The following REEP3 variants were observed in gnomAD, a reference collection of about 807,000 sequenced individuals.
REEP3 encodes the protein receptor accessory protein 3.
In REEP3, 20 loss-of-function variants were observed where a neutral mutation model predicts 41.3. The observed-to-expected ratio is 0.48, with a 90% CI of 0.34 to 0.70. The LOEUF (loss-of-function observed/expected upper bound fraction) is 0.70. REEP3 is among the 30% of genes least tolerant of loss of function. The probability of loss-of-function intolerance (pLI) is 0.01; values close to 1 mark genes in which losing one functional copy is unlikely to be tolerated. For synonymous variants in REEP3, 104 were observed against 101.8 expected (o/e 1.02, Z -0.13); for missense variants, 271 against 308.8 (o/e 0.88, Z 0.92).
intron 7 of REEP3, among the ~76,000 whole-genome samples, chr10:63,620,212 C>T (rs1368944366): frequency 2.0e-5 from 3 of 152,064 alleles, no homozygotes; most frequent in African/African-American, 7.2e-5. Context: ...GGATTCCAGG[C>T]GTGAGCCACC....
intron 6 of REEP3, among the ~76,000 whole-genome samples, chr10:63,612,321 A>C (rs1233818388): frequency 6.6e-6 from 1 of 151,932 alleles, no homozygotes; most frequent in Admixed American, 6.6e-5. Context: ...ACAGGTGTGC[A>C]CCACCATGCC....
At chr10:63,554,195 G>T (rs2133363976) in intron 1 of REEP3, among the ~76,000 whole-genome samples, 1 of 152,158 alleles carries the variant, frequency 6.6e-6, no homozygotes, top group East Asian at 1.9e-4. Flanking sequence ...CACATCCTGT[G>T]CTTAAGGGGC....
intron 6 of REEP3, among the ~76,000 whole-genome samples, chr10:63,616,266 C>T (rs1400805699): frequency 6.6e-6 from 1 of 152,070 alleles, no homozygotes; most frequent in African/African-American, 2.4e-5. Context: ...TCCAACCCAC[C>T]CCATGCTGAT....
chr10:63,611,151 A>G (rs1204150294), intron 6 of REEP3, among the ~76,000 whole-genome samples: 2 of 152,172 alleles, frequency 1.3e-5, no homozygotes, highest in African/African-American at 2.4e-5. Flanking sequence ...TTTTGCTGCC[A>G]TGAATTTTAG....
At chr10:63,605,279 A>G (rs1165174292) in intron 5 of REEP3, among the ~76,000 whole-genome samples, 1 of 152,222 alleles carries the variant, frequency 6.6e-6, no homozygotes, top group East Asian at 1.9e-4. Context: ...TAAACTCACT[A>G]AAATATTTTA....
rs1016093960 is a variant in REEP3, at chr10:63,530,567, T to C, written c.32+8990T>C. On this transcript the variant is annotated intron_variant, in intron 1 of 7. Coordinates refer to ENST00000373758, the MANE Select transcript of REEP3 (RefSeq NM_001001330.3). Reference sequence around the variant, plus strand: ...AAGAAAGAAAACACATTCTAAACTATTGGGTCTTGTTTTCACTGCATGGGC... The same window carrying C: ...AAGAAAGAAAACACATTCTAAACTACTGGGTCTTGTTTTCACTGCATGGGC... Among the ~76,000 whole-genome samples, 5 of 152,222 alleles carry C rather than the reference T, an allele frequency of 3.3e-5. No homozygotes were observed. The South Asian group carries it at 1.0e-3, about 31-fold the overall frequency.
chr10:63,536,958 T>C lies in REEP3; in HGVS notation c.32+15381T>C, dbSNP rs557552437. On this transcript the variant is annotated intron_variant, in intron 1 of 7. Coordinates refer to ENST00000373758, the MANE Select transcript of REEP3 (RefSeq NM_001001330.3). ...TGGAAAACAATTTGGCCCTAACTTA[T>C]AGTGTTAATCACTCACATACCCTAT... Among the ~76,000 whole-genome samples, 112 of 152,342 alleles carry C rather than the reference T, an allele frequency of 7.4e-4. 1 individual carries two copies. The South Asian group carries it at 0.02, about 27-fold the overall frequency.
intron 2 of REEP3, among the ~76,000 whole-genome samples, chr10:63,588,279 G>A (rs1956026291): frequency 6.6e-6 from 1 of 152,058 alleles, no homozygotes; most frequent in Non-Finnish European, 1.5e-5. Context: ...TTTTCCCTCT[G>A]TGTTCCTAAT....
At chr10:63,553,090 C>T (rs552725078) in intron 1 of REEP3, among the ~76,000 whole-genome samples, 1 of 152,322 alleles carries the variant, frequency 6.6e-6, no homozygotes, top group Non-Finnish European at 1.5e-5. Flanking sequence ...TGTTCACTTA[C>T]TTTACAAAAT....
chr10:63,571,712 G>C (rs1297980675), intron 2 of REEP3, among the ~76,000 whole-genome samples: 2 of 152,196 alleles, frequency 1.3e-5, no homozygotes, highest in African/African-American at 2.4e-5. Flanking sequence ...ATCTTTAGGG[G>C]AGAGAGGGCA....
chr10:63,569,557 A>G (rs1392004787), intron 2 of REEP3, among the ~76,000 whole-genome samples: 1 of 152,002 alleles, frequency 6.6e-6, no homozygotes, highest in Non-Finnish European at 1.5e-5. Context: ...TGAGAATATT[A>G]TCAGTAAGCA....
Position 63,620,934 on chromosome 10 carries a change from G to A in REEP3, c.*65G>A. Reference sequence around the variant, plus strand: ...ATACATCGACTTCATCTTCTAACATGATATATTCAGGATTTACACATTAAA... The same window carrying A: ...ATACATCGACTTCATCTTCTAACATAATATATTCAGGATTTACACATTAAA... On this transcript the variant is annotated 3_prime_UTR_variant, in exon 8 of 8. Transcript: ENST00000373758. 1 of 992,294 alleles carries A rather than the reference G, an allele frequency of 1.0e-6. No homozygotes were observed. The highest frequency in any genetic ancestry group is 1.5e-5 in the South Asian group (1 of 67,502). 61.5% of individuals were successfully genotyped at this position (992,294 alleles called of 1,614,324 possible).
At chr10:63,566,512 T>G (rs1589869530) in intron 2 of REEP3, 102 bp downstream of exon 2, 1 of 661,598 alleles carries the variant, frequency 1.5e-6, no homozygotes. Context: ...GTGTTTTGGG[T>G]TAAAAGGTGT....
In REEP3 at chr10:63,554,254, G is replaced by T. The variant is rs184321847; in HGVS notation, c.33-12084G>T. Among the ~76,000 whole-genome samples, 55 of 152,274 alleles carry T rather than the reference G, an allele frequency of 3.6e-4. No homozygotes were observed. The East Asian group carries it at 0.01, about 28-fold the overall frequency. On this transcript the variant is annotated intron_variant, in intron 1 of 7. Coordinates refer to ENST00000373758, the MANE Select transcript of REEP3 (RefSeq NM_001001330.3). Reference sequence around the variant, plus strand: ...GAGTCAAGAGTTACTCAGGAATCAGGAATTGGTCAGATCATGAGTAATCAT... The same window carrying T: ...GAGTCAAGAGTTACTCAGGAATCAGTAATTGGTCAGATCATGAGTAATCAT...
At chr10:63,593,866 G>T (rs2133404012) in intron 2 of REEP3, among the ~76,000 whole-genome samples, 2 of 152,252 alleles carry the variant, frequency 1.3e-5, no homozygotes, top group East Asian at 3.9e-4. Flanking sequence ...AGATGTGTGA[G>T]AGATTACAGG....
chr10:63,551,127 A>G (rs529828120), intron 1 of REEP3, among the ~76,000 whole-genome samples: 1 of 152,212 alleles, frequency 6.6e-6, no homozygotes, highest in Non-Finnish European at 1.5e-5. Flanking sequence ...AGACATGTTG[A>G]TTCTAGGAAT....
Position 63,609,653 on chromosome 10 carries a change from C to T in REEP3, c.418-534C>T, listed in dbSNP as rs550958161. On this transcript the variant is annotated intron_variant, in intron 5 of 7. Transcript: ENST00000373758. The stretch of plus-strand genomic sequence containing the variant: ...GCACATGCCTGTAATCCCAGCTACT[C>T]GGGAGACTGAGGCAGGAGAAACGTT... Among the ~76,000 whole-genome samples, 10 of 151,220 alleles carry T rather than the reference C, an allele frequency of 6.6e-5. No homozygotes were observed. In the East Asian group the frequency reaches 1.6e-3, roughly 24 times the overall value.
rs74720342 is a variant in REEP3, at chr10:63,523,448, C to T, written c.32+1871C>T. ...AAGAGTTAGAGACCAGCCTGGGCAA[C>T]ATAGCGAGACCTTGTCTCCACAAAA... On this transcript the variant is annotated intron_variant, in intron 1 of 7. Coordinates refer to ENST00000373758, the MANE Select transcript of REEP3 (RefSeq NM_001001330.3). 1.1e-3 allele frequency among the ~76,000 whole-genome samples: 174 copies of T among 152,268 alleles called. 2 individuals carry two copies. The East Asian group carries it at 0.029, about 25-fold the overall frequency.
At chr10:63,571,440 T>C (rs1378231662) in intron 2 of REEP3, among the ~76,000 whole-genome samples, 1 of 152,162 alleles carries the variant, frequency 6.6e-6, no homozygotes, top group Non-Finnish European at 1.5e-5. Flanking sequence ...CATTCCTTGG[T>C]TTATGGCTTT....
Sources: gnomAD v4.1 joint callset for allele counts (sites outside exome capture counted in the v4.1 genomes callset) on GRCh38, gnomAD v4.1.1 for gene constraint, MANE v1.5 for transcripts, NCBI Gene and HGNC (gene_info 2026-07-23, HGNC 2026-07-21) for gene names.